DCC: variants seen among roughly 807,000 people sequenced by gnomAD.
The protein encoded by DCC is DCC netrin 1 receptor.
In DCC, 58 loss-of-function variants were observed where a neutral mutation model predicts 172.5. That is an observed-to-expected ratio of 0.34 (90% CI 0.27 to 0.42). DCC has a LOEUF of 0.42. Ranked by LOEUF, DCC falls within the 10% of genes least tolerant of loss-of-function variation. The pLI is 1.00. For synonymous variants in DCC, 709 were observed against 644.5 expected, an observed-to-expected ratio of 1.10 and a Z score of -1.52; for missense variants, 1,740 against 1,791.0, an observed-to-expected ratio of 0.97 and a Z score of 0.51.
chr18:53,178,695 T>C (rs1242225068), intron 8 of DCC, among the ~76,000 whole-genome samples: 5 of 152,294 alleles, frequency 3.3e-5, no homozygotes, highest in East Asian at 1.9e-4. Flanking sequence ...AATTGTAAAG[T>C]GTCGAGGAAA....
chr18:53,354,050 A>C (rs1180194606), intron 15 of DCC, among the ~76,000 whole-genome samples: 1 of 152,098 alleles, frequency 6.6e-6, no homozygotes, highest in Non-Finnish European at 1.5e-5. Context: ...GCTGAGAATG[A>C]TGGTTTCCAG....
intron 5 of DCC, among the ~76,000 whole-genome samples, chr18:52,932,113 T>G (rs1206569863): frequency 6.6e-6 from 1 of 152,104 alleles, no homozygotes; most frequent in Non-Finnish European, 1.5e-5. Context: ...GTTGTCAACT[T>G]TTTAATTTAA....
intron 27 of DCC, among the ~76,000 whole-genome samples, chr18:53,505,757 G>A (rs993597294): frequency 2.1e-4 from 32 of 152,172 alleles, no homozygotes; most frequent in African/African-American, 7.5e-4. Context: ...TACAAAGAAT[G>A]TACTTGGATT....
At chr18:53,386,015 G>A (rs768553372) in intron 15 of DCC, 28 bp from the exon 16 acceptor site, 9 of 1,395,340 alleles carry the variant, frequency 6.5e-6, no homozygotes, top group Non-Finnish European at 7.1e-6. Context: ...ATATCAACAC[G>A]TTCATATTGT....
chr18:53,426,283 C>T (rs1195144195), intron 21 of DCC, among the ~76,000 whole-genome samples: 3 of 132,494 alleles, frequency 2.3e-5, no homozygotes, highest in Non-Finnish European at 4.9e-5. Context: ...TTATATATTA[C>T]ATATTTATAA....
At position 52,559,245 on chromosome 18, in the gene DCC, G is replaced by C. The variant is rs924686805; in HGVS notation, c.92-192809G>C. Among the ~76,000 whole-genome samples, 3 of 152,094 alleles carry C rather than the reference G, an allele frequency of 2.0e-5. No individual in the cohort carries two copies. In the East Asian group the frequency reaches 5.8e-4, roughly 29 times the overall value. ...TCCTGCCTCAACCTCCCGAGTAGCT[G>C]GGACTACAGACATGTGCCACCACAT... On this transcript the variant is annotated intron_variant, in intron 1 of 28. Transcript: ENST00000442544.
chr18:52,789,553 C>G (rs76945211), intron 2 of DCC, among the ~76,000 whole-genome samples: 1 of 152,242 alleles, frequency 6.6e-6, no homozygotes, highest in East Asian at 1.9e-4. Flanking sequence ...ACTTTAGCCA[C>G]GCTAAGCAGT....
intron 1 of DCC, among the ~76,000 whole-genome samples, chr18:52,495,356 C>A (rs903865001): frequency 1.8e-4 from 27 of 152,064 alleles, no homozygotes; most frequent in Admixed American, 1.7e-3. Flanking sequence ...TTCTCTATCC[C>A]CACCCATAGT....
chr18:52,973,743 G>A (rs1396831408), intron 5 of DCC, among the ~76,000 whole-genome samples: 1 of 152,144 alleles, frequency 6.6e-6, no homozygotes, highest in African/African-American at 2.4e-5. Context: ...AGAGTATGTA[G>A]GATTCACATG....
chr18:53,311,031 T>A (rs570385068), intron 13 of DCC, among the ~76,000 whole-genome samples: 1 of 110,016 alleles, frequency 9.1e-6, no homozygotes, highest in African/African-American at 2.7e-5. Context: ...GAGATTGAAC[T>A]TTATGATCCT....
intron 1 of DCC, among the ~76,000 whole-genome samples, chr18:52,531,569 A>T (rs1257822769): frequency 6.6e-6 from 1 of 152,200 alleles, no homozygotes; most frequent in African/African-American, 2.4e-5. Flanking sequence ...TCCTTCTTAA[A>T]GTAGACAATT....
chr18:53,192,574 C>G (rs17487277), intron 9 of DCC, among the ~76,000 whole-genome samples: 43,626 of 151,824 alleles, frequency 0.29, 8,006 homozygotes, highest in Non-Finnish European at 0.42. Context: ...AAGCAGCTGA[C>G]TATCAATCAA....
chr18:53,467,004 A>C (rs1243039316), intron 24 of DCC, among the ~76,000 whole-genome samples: 2 of 152,184 alleles, frequency 1.3e-5, no homozygotes, highest in Non-Finnish European at 2.9e-5. Flanking sequence ...GCATATGATA[A>C]AAAATAAAAA....
chr18:53,378,500 T>A (rs932891487), intron 15 of DCC, among the ~76,000 whole-genome samples: 2 of 152,150 alleles, frequency 1.3e-5, no homozygotes, highest in African/African-American at 4.8e-5. Flanking sequence ...TTTGGATTCA[T>A]TTTTTCACAC....
intron 15 of DCC, among the ~76,000 whole-genome samples, chr18:53,340,459 C>T (rs749422204): frequency 4.0e-4 from 61 of 152,044 alleles, no homozygotes; most frequent in Non-Finnish European, 7.2e-4. Context: ...CAAGACAATA[C>T]ATTAGAATGA....
intron 1 of DCC, among the ~76,000 whole-genome samples, chr18:52,561,770 T>C (rs1181037338): frequency 6.6e-6 from 1 of 152,162 alleles, no homozygotes; most frequent in East Asian, 1.9e-4. Context: ...AGAAAATGTG[T>C]GTGACCAGTG....
intron 22 of DCC, among the ~76,000 whole-genome samples, chr18:53,443,966 AG>A (rs1299221193): frequency 6.6e-6 from 1 of 152,234 alleles, no homozygotes; most frequent in Non-Finnish European, 1.5e-5. Context: ...TTAACAGATG[AG>A]GAGTTGTTTC....
intron 6 of DCC, among the ~76,000 whole-genome samples, chr18:53,064,968 C>T (rs913942555): frequency 6.6e-6 from 1 of 152,112 alleles, no homozygotes; most frequent in Non-Finnish European, 1.5e-5. Flanking sequence ...CCCAGCATGA[C>T]TCATTACAGC....
chr18:53,429,317 C>G (rs1911453867), intron 21 of DCC, among the ~76,000 whole-genome samples: 1 of 76,754 alleles, frequency 1.3e-5, no homozygotes, highest in Non-Finnish European at 3.8e-5. Flanking sequence ...CATTATCAGG[C>G]TAAGATGTAA....
Sources: allele counts gnomAD v4.1 joint callset (sites outside exome capture counted in the v4.1 genomes callset), GRCh38; gene constraint gnomAD v4.1.1; transcripts MANE v1.5; gene names NCBI Gene and HGNC (gene_info 2026-07-23, HGNC 2026-07-21).